The following DNAH9 variants were observed in gnomAD, a reference collection of about 807,000 sequenced individuals.
The protein encoded by DNAH9 is DNAH9 variant protein.
Under a neutral mutation model 471.6 loss-of-function variants are expected in DNAH9, and 345 were observed. The observed-to-expected ratio is 0.73, with a 90% CI of 0.67 to 0.80. DNAH9 has a LOEUF of 0.80. Ranked by LOEUF, DNAH9 falls within the 30% of genes least tolerant of loss-of-function variation. The pLI is 0.00. For synonymous variants in DNAH9, 2,093 were observed against 2,123.6 expected (o/e 0.99, Z 0.40); for missense variants, 5,407 against 5,609.2 (o/e 0.96, Z 1.15).
chr17:11,894,221 C>T (rs1973153870), intron 58 of DNAH9, among the ~76,000 whole-genome samples, 153 bp from the exon 59 acceptor site: 1 of 152,140 alleles, frequency 6.6e-6, no homozygotes, highest in South Asian at 2.1e-4. Flanking sequence ...TGTGAATATA[C>T]ACTTCCTTCC....
intron 62 of DNAH9, among the ~76,000 whole-genome samples, chr17:11,926,814 A>G (rs1452507153): frequency 6.6e-6 from 1 of 152,194 alleles, no homozygotes; most frequent in Non-Finnish European, 1.5e-5. Context: ...CTGCTTCTGT[A>G]TCTTTGAGGA....
At chr17:11,614,852 C>T (rs2150647269) in intron 4 of DNAH9, among the ~76,000 whole-genome samples, 1 of 152,346 alleles carries the variant, frequency 6.6e-6, no homozygotes, top group East Asian at 1.9e-4. Flanking sequence ...GAGAAGCTCT[C>T]ATGGCCTAGT....
At position 11,639,940 on chromosome 17, in the gene DNAH9, T is replaced by A. The variant is rs1048697702; in HGVS notation, c.1787-330T>A. On this transcript the variant is annotated intron_variant, in intron 9 of 68. Transcript: ENST00000262442. Reference sequence around the variant, plus strand: ...ATCACCTGAACCTGGGAGGCAGAGGTTGTAGTGAGCCACGATTGCGCCACT... The same window carrying A: ...ATCACCTGAACCTGGGAGGCAGAGGATGTAGTGAGCCACGATTGCGCCACT... Among the ~76,000 whole-genome samples, 18 of 151,864 alleles carry A rather than the reference T, an allele frequency of 1.2e-4. 1 individual carries two copies.
intron 22 of DNAH9, among the ~76,000 whole-genome samples, chr17:11,697,827 A>G (rs73975057): frequency 0.19 from 29,528 of 151,726 alleles, 3,150 homozygotes; most frequent in African/African-American, 0.28. Flanking sequence ...TAATACTGCT[A>G]TAAACTGTAC....
chr17:11,696,190 G>A (rs972961013), intron 22 of DNAH9, among the ~76,000 whole-genome samples: 1 of 152,088 alleles, frequency 6.6e-6, no homozygotes, highest in African/African-American at 2.4e-5. Flanking sequence ...TGCATGTACA[G>A]TTTCTAATTT....
chr17:11,837,849 CAA>C (rs1970898359), intron 49 of DNAH9, among the ~76,000 whole-genome samples: 1 of 152,190 alleles, frequency 6.6e-6, no homozygotes, highest in Non-Finnish European at 1.5e-5. Context: ...TGCTGGGTCT[CAA>C]ATGTTCCAAG....
intron 6 of DNAH9, among the ~76,000 whole-genome samples, 175 bp from the exon 7 acceptor site, chr17:11,629,242 T>TC (rs949021445): frequency 6.6e-6 from 1 of 151,478 alleles, no homozygotes; most frequent in African/African-American, 2.4e-5. Context: ...ATGCTATCCC[T>TC]CCCCCATCCC....
chr17:11,763,432 C>T lies in DNAH9; in HGVS notation c.6996-8C>T, dbSNP rs780678115. ...GTGTTTCAGATCCCCTCGGGTCTCT[C>T]TTTGCAGGTTTAAGAAGATCATTCC... is the stretch of plus-strand genomic sequence containing the variant. On this transcript the variant is annotated splice_polypyrimidine_tract_variant and splice_region_variant and intron_variant, in intron 35 of 68. Transcript: ENST00000262442. 4.3e-5 allele frequency: 69 copies of T among 1,613,296 alleles called. No homozygotes were observed. The highest frequency in any genetic ancestry group is 5.3e-5 in the Non-Finnish European group (62 of 1,179,514).
At chr17:11,767,802 A>G (rs1340360100) in intron 36 of DNAH9, among the ~76,000 whole-genome samples, 2 of 152,136 alleles carry the variant, frequency 1.3e-5, no homozygotes, top group South Asian at 2.1e-4. Context: ...CATGCAAATT[A>G]TATGCTTCTA....
chr17:11,783,851 T>A, intron 40 of DNAH9, 103 bp downstream of exon 40: 1 of 896,526 alleles, frequency 1.1e-6, no homozygotes, highest in Non-Finnish European at 1.7e-6. Flanking sequence ...ATGCAGCCTC[T>A]CAGAATGGTA....
chr17:11,629,587 A>G lies in DNAH9; in HGVS notation c.1518+3A>G, dbSNP rs1475955903. On this transcript the variant is annotated splice_donor_region_variant and intron_variant, in intron 7 of 68. Coordinates refer to ENST00000262442, the MANE Select transcript of DNAH9 (RefSeq NM_001372.4). ...ACTGCCTGTACCTCCAAAGCACGGT[A>G]GGGTTGGGAAGGGCTGAATCGCCAG... 1.9e-5 allele frequency: 30 copies of G among 1,611,364 alleles called. No homozygotes were observed. Among genetic ancestry groups the G allele is most frequent in the Non-Finnish European group, 2.5e-5 (29 of 1,178,608 alleles).
intron 14 of DNAH9, among the ~76,000 whole-genome samples, chr17:11,658,017 A>G (rs939528131): frequency 6.6e-6 from 1 of 152,060 alleles, no homozygotes; most frequent in African/African-American, 2.4e-5. Context: ...ACATATCCAC[A>G]TAAGTTTTAG....
chr17:11,891,172 G>A lies in DNAH9; in HGVS notation c.11113-605G>A, dbSNP rs1028823892. ...AGAAGATGTAACCAAAGCAGGCTAC[G>A]CTCCCTGCATTGCAGGAAGGGTCCA... On this transcript the variant is annotated intron_variant, in intron 57 of 68. Coordinates refer to ENST00000262442, the MANE Select transcript of DNAH9 (RefSeq NM_001372.4). 2.0e-5 allele frequency among the ~76,000 whole-genome samples: 3 copies of A among 152,264 alleles called. No individual in the cohort carries two copies. The South Asian group carries it at 6.2e-4, about 32-fold the overall frequency.
chr17:11,931,969 AAG>A, intron 63 of DNAH9, 43 bp from the exon 64 acceptor site: 1 of 1,602,032 alleles, frequency 6.2e-7, no homozygotes, highest in Non-Finnish European at 8.5e-7. Flanking sequence ...AGCCCCGTAT[AAG>A]AGAAGTTGTG....
chr17:11,753,620 C>T (rs553523672), intron 33 of DNAH9, among the ~76,000 whole-genome samples: 1 of 152,276 alleles, frequency 6.6e-6, no homozygotes, highest in African/African-American at 2.4e-5. Flanking sequence ...GAGCCGAGAT[C>T]GCGCCATTGC....
intron 7 of DNAH9, among the ~76,000 whole-genome samples, chr17:11,632,097 G>A (rs945542355): frequency 6.6e-6 from 1 of 152,142 alleles, no homozygotes; most frequent in African/African-American, 2.4e-5. Context: ...CAATTAAGAA[G>A]GATTTAGAAG....
intron 68 of DNAH9, among the ~76,000 whole-genome samples, chr17:11,963,716 T>C (rs1240122343): frequency 6.6e-6 from 1 of 152,170 alleles, no homozygotes; most frequent in Non-Finnish European, 1.5e-5. Context: ...TGTTGAGACA[T>C]GTTTTATAAT....
chr17:11,809,030 T>TGA (rs923910666), intron 44 of DNAH9, among the ~76,000 whole-genome samples: 30 of 152,022 alleles, frequency 2.0e-4, no homozygotes, highest in African/African-American at 6.5e-4. Flanking sequence ...GTGAGTAATG[T>TGA]GAGAGAGAGA....
At chr17:11,823,109 G>T in intron 48 of DNAH9, 75 bp downstream of exon 48, 1 of 1,254,042 alleles carries the variant, frequency 8.0e-7, no homozygotes, top group East Asian at 2.5e-5. Context: ...GTGAACTGGA[G>T]GGATCACAAT....
Sources: allele counts gnomAD v4.1 joint callset (sites outside exome capture counted in the v4.1 genomes callset), GRCh38; gene constraint gnomAD v4.1.1; transcripts MANE v1.5; gene names NCBI Gene and HGNC (gene_info 2026-07-23, HGNC 2026-07-21).